Variants in NSF observed in about 807,000 individuals in gnomAD.
NSF encodes the protein N-ethylmaleimide sensitive factor, vesicle fusing ATPase, also known as vesicle-fusing ATPase.
Under a neutral mutation model 50.3 loss-of-function variants are expected in NSF, and 14 were observed. The observed-to-expected ratio is 0.28, with a 90% CI of 0.18 to 0.44. The LOEUF (loss-of-function observed/expected upper bound fraction) is 0.44. Ranked by LOEUF, NSF falls within the 20% of genes least tolerant of loss-of-function variation. NSF has a pLI of 1.00. For synonymous variants in NSF, 109 were observed against 175.7 expected, an observed-to-expected ratio of 0.62 and a Z score of 3.00; for missense variants, 218 against 504.3, an observed-to-expected ratio of 0.43 and a Z score of 5.44.
chr17:46,734,855 G>A (rs1029609699), intron 17 of NSF, among the ~76,000 whole-genome samples: 1 of 152,110 alleles, frequency 6.6e-6, no homozygotes, highest in African/African-American at 2.4e-5. Flanking sequence ...CCAGGAGTTC[G>A]AGACCAGCCT....
intron 1 of NSF, among the ~76,000 whole-genome samples, chr17:46,601,561 GA>G (rs1180331850): frequency 7.3e-6 from 1 of 137,418 alleles, no homozygotes; most frequent in Non-Finnish European, 1.5e-5. Flanking sequence ...TGTGAATTAT[GA>G]ACTAATTTTA....
intron 18 of NSF, among the ~76,000 whole-genome samples, chr17:46,750,808 A>C (rs1474482613): frequency 6.6e-6 from 1 of 152,076 alleles, no homozygotes; most frequent in East Asian, 1.9e-4. Flanking sequence ...CCTTGCATTT[A>C]ATAAGTTGGA....
intron 19 of NSF, 110 bp from the exon 20 acceptor site, chr17:46,755,204 C>T (rs1175288516): frequency 1.3e-6 from 1 of 764,266 alleles, no homozygotes. Flanking sequence ...ATTCAGTGAC[C>T]TAGCAGAGCA....
At position 46,602,724 on chromosome 17, in the gene NSF, T is replaced by G. The variant is rs1420018764; in HGVS notation, c.12+11937T>G. On this transcript the variant is annotated intron_variant, in intron 1 of 20. Transcript: ENST00000398238. ...CTAATTCTGAGTCTTCCAATGAACC[T>G]CTGTGTCAAATTTTTAAATTTAATT... Among the ~76,000 whole-genome samples, 11 of 146,486 alleles carry G rather than the reference T, an allele frequency of 7.5e-5. 2 individuals are homozygous for G. The South Asian group carries it at 1.1e-3, about 15-fold the overall frequency.
At position 46,755,940 on chromosome 17, in the gene NSF, C is replaced by T. The variant is rs986894799; in HGVS notation, c.*117C>T. On this transcript the variant is annotated 3_prime_UTR_variant, in exon 21 of 21. Coordinates refer to ENST00000398238, the MANE Select transcript of NSF (RefSeq NM_006178.4). ...TAAGTGGAACGTTCTCTACCTTCAA[C>T]ATGTGCTCGCTCTGCATGATTAGTG... 2.1e-6 allele frequency: 2 copies of T among 940,426 alleles called. No homozygotes were observed. The highest frequency in any genetic ancestry group is 4.6e-5 in the Admixed American group (2 of 43,258). The allele number at this position is 940,426 out of a possible 1,614,324, so 58.3% of individuals were successfully genotyped here. A position where few individuals can be genotyped will look rare whatever the true frequency, so the allele number is the denominator to read the frequency against.
intron 17 of NSF, among the ~76,000 whole-genome samples, chr17:46,748,538 G>A (rs2059153212): frequency 6.6e-6 from 1 of 152,196 alleles, no homozygotes; most frequent in African/African-American, 2.4e-5. Flanking sequence ...TTCTGAGGAA[G>A]CTTTTGGGTA....
At chr17:46,724,380 T>A (rs1393114444) in intron 15 of NSF, among the ~76,000 whole-genome samples, 1 of 152,230 alleles carries the variant, frequency 6.6e-6, no homozygotes, top group Non-Finnish European at 1.5e-5. Context: ...TTCATTATAT[T>A]TTCTCAGAGA....
At chr17:46,754,395 C>T (rs2146347246) in intron 19 of NSF, among the ~76,000 whole-genome samples, 1 of 152,062 alleles carries the variant, frequency 6.6e-6, no homozygotes, top group South Asian at 2.1e-4. Flanking sequence ...TGCACATCTC[C>T]CCACAGCTGC....
chr17:46,716,556 C>T (rs536373072), intron 15 of NSF, among the ~76,000 whole-genome samples: 1 of 152,308 alleles, frequency 6.6e-6, no homozygotes, highest in Admixed American at 6.5e-5. Flanking sequence ...CGCGCCCGGC[C>T]TGCACCTCCA....
rs148256398 is a variant in NSF at position 46,743,805 on chromosome 17, A to G, written c.1909-5968A>G. Among the ~76,000 whole-genome samples, 444 of 152,282 alleles carry G rather than the reference A, an allele frequency of 2.9e-3. 1 individual carries two copies. The highest frequency in any genetic ancestry group is 0.01 in the African/African-American group (430 of 41,552). On this transcript the variant is annotated intron_variant, in intron 17 of 20. Transcript: ENST00000398238. ...TCTCCATCACAGGTCTTCCTCCTCA[A>G]GAGCCTTCTCTGGTTTCCTGTTGCT...
At chr17:46,738,073 A>G (rs1004644587) in intron 17 of NSF, among the ~76,000 whole-genome samples, 2 of 151,864 alleles carry the variant, frequency 1.3e-5, no homozygotes, top group Admixed American at 6.6e-5. Context: ...AGCTGGGACA[A>G]CAGGTGCACA....
chr17:46,735,839 G>A (rs1324624810), intron 17 of NSF, among the ~76,000 whole-genome samples: 2 of 152,120 alleles, frequency 1.3e-5, no homozygotes, highest in Admixed American at 6.5e-5. Flanking sequence ...CAGCGACTCG[G>A]GAAGCTGAGG....
At position 46,663,150 on chromosome 17, in the gene NSF, TA is replaced by T. The variant is rs966545837; in HGVS notation, c.746-11256del. Among the ~76,000 whole-genome samples, 8 of 82,618 alleles carry T rather than the reference TA, an allele frequency of 9.7e-5. 1 individual carries two copies. Among genetic ancestry groups the T allele is most frequent in the East Asian group, 2.6e-4 (1 of 3,796 alleles). The allele number at this position is 82,618 out of a possible 152,430, so 54.2% of individuals were successfully genotyped here. On this transcript the variant is annotated intron_variant, in intron 8 of 20. Coordinates refer to ENST00000398238, the MANE Select transcript of NSF (RefSeq NM_006178.4). ...ATTGAGGCTATAGAACATATACACT[TA>T]AAAAAAATAAGCTAAGAACTCTTAG...
intron 15 of NSF, among the ~76,000 whole-genome samples, chr17:46,721,194 T>TC (rs2058827287): frequency 6.6e-6 from 1 of 152,222 alleles, no homozygotes; most frequent in African/African-American, 2.4e-5. Flanking sequence ...GGGTTGTCTC[T>TC]CATACCCCTC....
intron 9 of NSF, among the ~76,000 whole-genome samples, chr17:46,678,487 A>AAG (rs375594195): frequency 0.029 from 4,206 of 146,952 alleles, 176 homozygotes; most frequent in African/African-American, 0.089. Flanking sequence ...AAGAGAGAGT[A>AAG]AGAGAGAGAG....
At chr17:46,712,705 G>C (rs932879686) in intron 14 of NSF, among the ~76,000 whole-genome samples, 1 of 152,126 alleles carries the variant, frequency 6.6e-6, no homozygotes, top group Non-Finnish European at 1.5e-5. Context: ...TACAGTGAGG[G>C]TGTGGGTTGA....
intron 1 of NSF, among the ~76,000 whole-genome samples, chr17:46,615,646 A>G (rs1339275381): frequency 3.5e-5 from 1 of 28,888 alleles, no homozygotes; most frequent in East Asian, 1.1e-3. Flanking sequence ...GAGCCAGGGA[A>G]GCAAAGGTTG....
chr17:46,610,058 T>TCTTTCTTTC, intron 1 of NSF, among the ~76,000 whole-genome samples: 1 of 139,554 alleles, frequency 7.2e-6, no homozygotes, highest in Admixed American at 7.4e-5. Flanking sequence ...TTTCTTTCTT[T>TCTTTCTTTC]CTTTCTTTCC....
intron 8 of NSF, among the ~76,000 whole-genome samples, chr17:46,661,049 T>C (rs2146186546): frequency 1.2e-5 from 1 of 85,808 alleles, no homozygotes; most frequent in East Asian, 5.6e-4. Context: ...GGAGTCATGA[T>C]ACATCTATCC....
Sources: allele counts gnomAD v4.1 joint callset (sites outside exome capture counted in the v4.1 genomes callset), GRCh38; gene constraint gnomAD v4.1.1; transcripts MANE v1.5; gene names NCBI Gene and HGNC (gene_info 2026-07-23, HGNC 2026-07-21).